The following PTPRD variants were observed in gnomAD, a reference collection of about 807,000 sequenced individuals.
The protein encoded by PTPRD is protein tyrosine phosphatase receptor type D.
A neutral mutation model predicts 214.5 loss-of-function variants in PTPRD; 34 were observed. That is an observed-to-expected ratio of 0.16 (90% CI 0.12 to 0.21). The LOEUF is 0.21. Ranked by LOEUF, PTPRD falls within the 10% of genes least tolerant of loss-of-function variation. The pLI is 1.00. For synonymous variants in PTPRD, 1,128 were observed against 845.7 expected, an observed-to-expected ratio of 1.33 and a Z score of -5.79; for missense variants, 2,545 against 2,398.7, an observed-to-expected ratio of 1.06 and a Z score of -1.27.
At chr9:9,091,975 G>T (rs1400560681) in intron 10 of PTPRD, among the ~76,000 whole-genome samples, 1 of 152,116 alleles carries the variant, frequency 6.6e-6, no homozygotes, top group African/African-American at 2.4e-5. Context: ...GTTTTTAAGT[G>T]TCTCTGCCAT....
intron 3 of PTPRD, among the ~76,000 whole-genome samples, chr9:10,238,255 T>G (rs929261229): frequency 6.6e-6 from 1 of 151,696 alleles, no homozygotes; most frequent in African/African-American, 2.4e-5. Flanking sequence ...GTCTGGCTGC[T>G]GAAACTGCCT....
chr9:10,499,706 C>A (rs2043093019), intron 2 of PTPRD, among the ~76,000 whole-genome samples: 1 of 151,784 alleles, frequency 6.6e-6, no homozygotes, highest in Admixed American at 6.6e-5. Context: ...TATTTTCAAA[C>A]TAAATTTGTA....
intron 14 of PTPRD, among the ~76,000 whole-genome samples, chr9:8,579,533 TG>T (rs2092829762): frequency 6.6e-6 from 1 of 152,150 alleles, no homozygotes; most frequent in Non-Finnish European, 1.5e-5. Flanking sequence ...TAATAAGTCC[TG>T]GGCAATAAAA....
chr9:9,404,126 G>T (rs1248069452), intron 8 of PTPRD, among the ~76,000 whole-genome samples: 6 of 152,072 alleles, frequency 3.9e-5, no homozygotes, highest in Admixed American at 1.3e-4. Context: ...ATTTAGAGAG[G>T]TAGGTGGCCA....
chr9:8,327,564 G>C (rs1835187660), intron 44 of PTPRD, among the ~76,000 whole-genome samples: 1 of 152,150 alleles, frequency 6.6e-6, no homozygotes, highest in Non-Finnish European at 1.5e-5. Flanking sequence ...GCTTGGTCCA[G>C]AGCTGTGTTC....
At position 10,272,915 on chromosome 9, in the gene PTPRD, T is replaced by C. The variant is rs968933492; in HGVS notation, c.-545+68048A>G. ...TGTCTTTCTTCTGTGGGGTGAGCAA[T>C]TGAAATGTTGTCCATCAGTATTCTG... is the stretch of plus-strand genomic sequence containing the variant. On this transcript the variant is annotated intron_variant, in intron 3 of 45. Coordinates refer to ENST00000381196, the MANE Select transcript of PTPRD (RefSeq NM_002839.4). Among the ~76,000 whole-genome samples the C allele has an allele frequency of 3.2e-4, 48 of 152,330 alleles. 1 individual carries two copies. Among genetic ancestry groups the C allele is most frequent in the Admixed American group, 3.9e-4 (6 of 15,300 alleles).
intron 5 of PTPRD, among the ~76,000 whole-genome samples, chr9:9,835,068 C>A (rs1213848670): frequency 6.6e-6 from 1 of 151,944 alleles, no homozygotes; most frequent in Non-Finnish European, 1.5e-5. Context: ...TCCAAAAGGG[C>A]ATAAACTTTT....
intron 37 of PTPRD, among the ~76,000 whole-genome samples, chr9:8,382,106 C>T (rs1384466711): frequency 6.6e-6 from 1 of 152,186 alleles, no homozygotes; most frequent in Non-Finnish European, 1.5e-5. Flanking sequence ...CTCTTCCAAA[C>T]AGTATCATTA....
At chr9:8,844,169 C>T (rs367793512) in intron 11 of PTPRD, among the ~76,000 whole-genome samples, 3 of 152,190 alleles carry the variant, frequency 2.0e-5, no homozygotes, top group East Asian at 3.9e-4. Flanking sequence ...CCTTTATCTA[C>T]ATTATACATA....
intron 5 of PTPRD, among the ~76,000 whole-genome samples, chr9:9,930,888 T>C (rs549314195): frequency 1.3e-5 from 2 of 152,238 alleles, no homozygotes; most frequent in South Asian, 4.1e-4. Context: ...CAAATTTCTT[T>C]CCTTTTAAAG....
At chr9:9,040,016 A>C (rs981953018) in intron 10 of PTPRD, among the ~76,000 whole-genome samples, 2 of 151,494 alleles carry the variant, frequency 1.3e-5, no homozygotes, top group Admixed American at 1.3e-4. Flanking sequence ...AAAAATTCCT[A>C]CTTTACAGAT....
intron 39 of PTPRD, among the ~76,000 whole-genome samples, chr9:8,364,289 G>A (rs188961047): frequency 1.1e-3 from 161 of 152,316 alleles, no homozygotes; most frequent in African/African-American, 3.4e-3. Context: ...TTATATAAGC[G>A]TGTTACACAA....
chr9:9,674,576 T>C (rs1282371891), intron 7 of PTPRD, among the ~76,000 whole-genome samples: 1 of 151,626 alleles, frequency 6.6e-6, no homozygotes, highest in Non-Finnish European at 1.5e-5. Context: ...GTTCATATAC[T>C]ATAAGAAAAG....
chr9:9,671,511 G>A (rs952765956), intron 7 of PTPRD, among the ~76,000 whole-genome samples: 1 of 152,020 alleles, frequency 6.6e-6, no homozygotes, highest in Non-Finnish European at 1.5e-5. Flanking sequence ...AGATTTGGAG[G>A]GGCCAGGGGC....
At chr9:8,926,853 C>A (rs887887344) in intron 11 of PTPRD, among the ~76,000 whole-genome samples, 1 of 152,206 alleles carries the variant, frequency 6.6e-6, no homozygotes, top group Admixed American at 6.5e-5. Flanking sequence ...CTATTCAAAT[C>A]TTCCCTTTCT....
chr9:8,957,077 C>T (rs961585063), intron 11 of PTPRD, among the ~76,000 whole-genome samples: 1 of 151,766 alleles, frequency 6.6e-6, no homozygotes. Context: ...CTGAATAGTC[C>T]CTTTACTACA....
At chr9:8,565,365 G>T (rs2088578141) in intron 14 of PTPRD, among the ~76,000 whole-genome samples, 1 of 152,140 alleles carries the variant, frequency 6.6e-6, no homozygotes, top group Non-Finnish European at 1.5e-5. Context: ...ATATTTGGTT[G>T]CTTAAGAAAT....
At chr9:9,543,748 C>T (rs2078129126) in intron 8 of PTPRD, among the ~76,000 whole-genome samples, 1 of 151,572 alleles carries the variant, frequency 6.6e-6, no homozygotes, top group African/African-American at 2.4e-5. Context: ...TCGTTCTAGG[C>T]TACTTCTTTA....
At chr9:9,145,206 T>C (rs1462894283) in intron 10 of PTPRD, among the ~76,000 whole-genome samples, 1 of 152,200 alleles carries the variant, frequency 6.6e-6, no homozygotes, top group Non-Finnish European at 1.5e-5. Flanking sequence ...CTAATTTATT[T>C]AACATGCAAC....
Sources: allele counts gnomAD v4.1 joint callset (sites outside exome capture counted in the v4.1 genomes callset), GRCh38; gene constraint gnomAD v4.1.1; transcripts MANE v1.5; gene names NCBI Gene and HGNC (gene_info 2026-07-23, HGNC 2026-07-21).